CEP350: variants seen among roughly 807,000 people sequenced by gnomAD.
CEP350 encodes centrosomal protein 350.
Under a neutral mutation model 331.8 loss-of-function variants are expected in CEP350, and 126 were observed. The observed-to-expected ratio is 0.38, with a 90% CI of 0.33 to 0.44. The LOEUF (loss-of-function observed/expected upper bound fraction) is 0.44, where lower values mean the gene tolerates loss of function less well. CEP350 is among the 20% of genes least tolerant of loss of function. The pLI, the probability that CEP350 is intolerant of heterozygous loss-of-function variation, is 1.00. For missense variants in CEP350, 3,406 were observed against 3,634.6 expected, an observed-to-expected ratio of 0.94 and a Z score of 1.62; for synonymous variants, 1,200 against 1,259.5, an observed-to-expected ratio of 0.95 and a Z score of 1.00.
chr1:179,960,056 TAA>T (rs1213424075), intron 1 of CEP350, among the ~76,000 whole-genome samples: 1 of 152,168 alleles, frequency 6.6e-6, no homozygotes, highest in Non-Finnish European at 1.5e-5. Context: ...TAAGAAATAC[TAA>T]AAACAAGATA....
At chr1:180,001,399 C>T (rs546756005) in intron 6 of CEP350, among the ~76,000 whole-genome samples, 2 of 152,236 alleles carry the variant, frequency 1.3e-5, no homozygotes, top group Admixed American at 6.5e-5. Flanking sequence ...GCTGGGATTA[C>T]AGGCATGCAC....
chr1:180,060,099 A>T (rs1053801268), intron 25 of CEP350, among the ~76,000 whole-genome samples: 1 of 152,228 alleles, frequency 6.6e-6, no homozygotes, highest in African/African-American at 2.4e-5. Context: ...GTACACAATC[A>T]TTGTATACTC....
At chr1:180,099,686 A>G (rs1175469920) in intron 37 of CEP350, among the ~76,000 whole-genome samples, 1 of 151,878 alleles carries the variant, frequency 6.6e-6, no homozygotes, top group African/African-American at 2.4e-5. Context: ...GTTCTCATGT[A>G]TGTACCTCTC....
chr1:180,031,577 C>G, intron 15 of CEP350, 83 bp downstream of exon 15: 1 of 617,082 alleles, frequency 1.6e-6, no homozygotes, highest in African/African-American at 1.9e-5. Flanking sequence ...TGAATTTTAA[C>G]TCAGCAGTCC....
At chr1:180,042,132 T>TCACACACACACACACACA (rs59048123) in intron 19 of CEP350, among the ~76,000 whole-genome samples, 4 of 146,774 alleles carry the variant, frequency 2.7e-5, no homozygotes, top group African/African-American at 1.0e-4. Flanking sequence ...GAGTTTTCTC[T>TCACACACACACACACACA]CACACACACA....
chr1:179,975,248 G>T (rs2148617356), intron 1 of CEP350, among the ~76,000 whole-genome samples: 1 of 152,032 alleles, frequency 6.6e-6, no homozygotes, highest in Middle Eastern at 3.4e-3. Context: ...ATACAGTTTT[G>T]CTTAAAAAAA....
chr1:180,066,117 TAAA>T (rs1658535589), intron 27 of CEP350, among the ~76,000 whole-genome samples: 1 of 152,190 alleles, frequency 6.6e-6, no homozygotes, highest in South Asian at 2.1e-4. Context: ...TAAAGACTCT[TAAA>T]GAAAGCTACT....
intron 17 of CEP350, among the ~76,000 whole-genome samples, chr1:180,040,224 G>A (rs188318993): frequency 6.6e-6 from 1 of 152,084 alleles, no homozygotes; most frequent in East Asian, 1.9e-4. Flanking sequence ...GATGTTGCCT[G>A]GTAGAGGGTG....
Position 180,110,629 on chromosome 1 carries a change from G to A in CEP350, c.9190-368G>A, listed in dbSNP as rs1661419620. On this transcript the variant is annotated intron_variant, in intron 37 of 37. Coordinates refer to ENST00000367607, the MANE Select transcript of CEP350 (RefSeq NM_014810.5). ...GGACATAACTCCATTGTAAGTAGAG[G>A]AACATTTCTGTCTAATATTTTGTGT... 3.3e-5 allele frequency among the ~76,000 whole-genome samples: 5 copies of A among 152,154 alleles called. No homozygotes were observed. The South Asian group carries it at 1.0e-3, about 32-fold the overall frequency.
chr1:180,037,150 T>G, intron 17 of CEP350, 61 bp downstream of exon 17: 3 of 1,412,986 alleles, frequency 2.1e-6, no homozygotes, highest in Non-Finnish European at 2.8e-6. Context: ...TTTAAAATGG[T>G]CTTAATGATG....
chr1:180,035,428 C>T (rs1315751008), intron 16 of CEP350, among the ~76,000 whole-genome samples: 1 of 152,144 alleles, frequency 6.6e-6, no homozygotes, highest in East Asian at 1.9e-4. Context: ...GAAGTTAGTG[C>T]CTGGCTTCAA....
chr1:179,989,782 T>C (rs140217958), intron 3 of CEP350, among the ~76,000 whole-genome samples: 31 of 152,306 alleles, frequency 2.0e-4, no homozygotes, highest in Non-Finnish European at 2.9e-4. Context: ...TGTAAAACAC[T>C]GTGGCTGTTT....
chr1:180,093,880 A>T lies in CEP350; in HGVS notation c.7775A>T (p.Asn2592Ile). 6.2e-7 allele frequency: 1 copy of T among 1,613,902 alleles called. No individual in the cohort carries two copies. The highest frequency in any genetic ancestry group is 8.5e-7 in the Non-Finnish European group (1 of 1,179,856). The change falls in exon 34 of 38, where the codon AAT (asparagine) becomes ATT (isoleucine). Residue 2592 changes from asparagine to isoleucine, a missense_variant. Around this residue, in one of 5 missense-constraint regions of CEP350, gnomAD observed 1,415 missense variants for 1,512.3 expected, o/e 0.94. Transcript: ENST00000367607. ...CYSDERYQCYNQEQNDTEGPK... is the reference protein window; with the variant it reads ...CYSDERYQCYIQEQNDTEGPK... Reference sequence around the variant, plus strand: ...TCAGATGAACGATATCAGTGCTATAATCAAGAGCAAAATGATACAGAGGGT... The same window carrying T: ...TCAGATGAACGATATCAGTGCTATATTCAAGAGCAAAATGATACAGAGGGT...
At position 180,024,498 on chromosome 1, in the gene CEP350, C is replaced by T; in HGVS notation, c.3466C>T (p.His1156Tyr). 1 of 1,613,518 alleles carries T rather than the reference C, an allele frequency of 6.2e-7. No homozygotes were observed. The highest frequency in any genetic ancestry group is 8.5e-7 in the Non-Finnish European group (1 of 1,179,688). ...DPSSVDVTSQ[H>Y]SSGAQSAASS... ...TTCCTCTGTGGATGTTACCTCCCAG[C>T]ATTCATCAGGAGCCCAGTCTGCTGC... Residue 1156 changes from histidine (H) to tyrosine (Y), a missense_variant, in exon 14 of 38, where the codon CAT becomes TAT. Physicochemically the swap from His to Tyr is moderately conservative, Grantham distance 83 (BLOSUM62 2). This residue lies in a region of CEP350 where 1,857 missense variants were observed against 1,909.2 expected (regional missense o/e 0.97). Coordinates refer to ENST00000367607, the MANE Select transcript of CEP350 (RefSeq NM_014810.5).
At chr1:180,050,644 C>T (rs542822278) in intron 22 of CEP350, among the ~76,000 whole-genome samples, 1 of 133,816 alleles carries the variant, frequency 7.5e-6, no homozygotes, top group Admixed American at 8.6e-5. Flanking sequence ...ACCTGGGCAA[C>T]GAGAGTGAGA....
At chr1:180,040,229 A>G (rs1205591286) in intron 17 of CEP350, among the ~76,000 whole-genome samples, 1 of 152,020 alleles carries the variant, frequency 6.6e-6, no homozygotes, top group Non-Finnish European at 1.5e-5. Flanking sequence ...TGCCTGGTAG[A>G]GGGTGGGGAG....
rs184168695 is a variant in CEP350 at position 180,077,778 on chromosome 1, A to T, written c.5768-685A>T. ...CCTTAAACTGATCTGTAGATTCAAG[A>T]CTATTTACATCAGAAACCCAGCAAG... On this transcript the variant is annotated intron_variant, in intron 28 of 37. Transcript: ENST00000367607. 6.6e-5 allele frequency among the ~76,000 whole-genome samples: 10 copies of T among 152,076 alleles called. No homozygotes were observed. In the East Asian group the frequency reaches 1.9e-3, roughly 29 times the overall value.
Position 180,020,697 on chromosome 1 carries a change from C to G in CEP350, c.2923C>G (p.Leu975Val). The G allele has an allele frequency of 6.2e-7, 1 of 1,613,980 alleles. No individual in the cohort carries two copies. Among genetic ancestry groups the G allele is most frequent in the Non-Finnish European group, 8.5e-7 (1 of 1,179,860 alleles). The change falls in exon 12 of 38, where the codon CTT becomes GTT. Residue 975 changes from leucine to valine, a missense_variant. Leu to Val is a conservative substitution (Grantham distance 32). This residue lies in a region of CEP350 where 1,857 missense variants were observed against 1,909.2 expected (regional missense o/e 0.97). Transcript: ENST00000367607. ...ACSQDKAKIS[L>V]GSSIDSVSEG... ...TTCTCAAGACAAAGCCAAAATATCT[C>G]TTGGTTCCAGCATAGATTCAGTCAG...
intron 14 of CEP350, among the ~76,000 whole-genome samples, chr1:180,026,203 A>T (rs1655661453): frequency 6.6e-6 from 1 of 151,860 alleles, no homozygotes; most frequent in African/African-American, 2.4e-5. Flanking sequence ...CCCAGGAGGC[A>T]GAGGTTGCAG....
Sources: gnomAD v4.1 joint callset for allele counts (sites outside exome capture counted in the v4.1 genomes callset) on GRCh38, gnomAD v4.1.1 for gene constraint, gnomAD v4.1.1 regional missense constraint, MANE v1.5 for transcripts, NCBI Gene and HGNC (gene_info 2026-07-23, HGNC 2026-07-21) for gene names.